The following LCMT1 variants were observed in gnomAD, a reference collection of about 807,000 sequenced individuals.
LCMT1 encodes the protein leucine carboxyl methyltransferase 1.
LCMT1 carries 32 observed loss-of-function variants against 47.7 expected under a neutral mutation model. The observed-to-expected ratio is 0.67, with a 90% CI of 0.51 to 0.90. The LOEUF is 0.90. Among genes scored for constraint, LCMT1 ranks in the 40% least tolerant of loss-of-function variants. The pLI is 0.00. For synonymous variants in LCMT1, 152 were observed against 149.7 expected, an observed-to-expected ratio of 1.02 and a Z score of -0.11; for missense variants, 375 against 415.2, an observed-to-expected ratio of 0.90 and a Z score of 0.84.
At chr16:25,128,866 C>T (rs1425039080) in intron 2 of LCMT1, among the ~76,000 whole-genome samples, 1 of 136,974 alleles carries the variant, frequency 7.3e-6, no homozygotes, top group Non-Finnish European at 1.6e-5. Context: ...AGTGAGAACA[C>T]ATGACACAGA....
intron 1 of LCMT1, among the ~76,000 whole-genome samples, chr16:25,117,264 C>T (rs1959821312): frequency 6.6e-6 from 1 of 152,196 alleles, no homozygotes; most frequent in Non-Finnish European, 1.5e-5. Context: ...GCACTCTTAC[C>T]TGCTGGCCAG....
At chr16:25,150,715 A>G (rs1961053006) in intron 4 of LCMT1, among the ~76,000 whole-genome samples, 1 of 151,996 alleles carries the variant, frequency 6.6e-6, no homozygotes, top group Non-Finnish European at 1.5e-5. Flanking sequence ...ATAAAACCCT[A>G]ATTCTTATAT....
chr16:25,166,327 C>T (rs1961591486), intron 7 of LCMT1, among the ~76,000 whole-genome samples: 1 of 150,354 alleles, frequency 6.7e-6, no homozygotes, highest in African/African-American at 2.4e-5. Context: ...TATGGGGATT[C>T]CTGAGATGAT....
chr16:25,126,667 G>C (rs1019864366), intron 1 of LCMT1, among the ~76,000 whole-genome samples: 15 of 152,220 alleles, frequency 9.9e-5, no homozygotes, highest in African/African-American at 3.6e-4. Flanking sequence ...AGAATCTGGA[G>C]GTGAGAGGAT....
At chr16:25,140,494 G>A in intron 4 of LCMT1, 1 of 467,474 alleles carries the variant, frequency 2.1e-6, no homozygotes. Flanking sequence ...TTAACACGAG[G>A]CCAACCAAAT....
intron 8 of LCMT1, chr16:25,169,487 C>A (rs1017688988): frequency 1.2e-4 from 37 of 297,960 alleles, no homozygotes; most frequent in African/African-American, 7.1e-4. Flanking sequence ...TAAACACACA[C>A]GTCTCATCAC....
At chr16:25,123,026 A>G (rs1220657582) in intron 1 of LCMT1, among the ~76,000 whole-genome samples, 1 of 152,106 alleles carries the variant, frequency 6.6e-6, no homozygotes, top group Admixed American at 6.6e-5. Context: ...GGCAATGCTT[A>G]GGCTATTTCC....
At chr16:25,132,227 CAAA>C in intron 2 of LCMT1, 172 bp from the exon 3 acceptor site, 6 of 585,096 alleles carry the variant, frequency 1.0e-5, no homozygotes, top group South Asian at 2.5e-5. Flanking sequence ...TGCCTTTAAC[CAAA>C]AAAAAAAAAT....
At chr16:25,146,219 C>G (rs2141673108) in intron 4 of LCMT1, 1 of 152,452 alleles carries the variant, frequency 6.6e-6, no homozygotes, top group African/African-American at 2.4e-5. Context: ...GCAGGCAGCT[C>G]TGCTGTCCAC....
chr16:25,169,090 T>C, intron 7 of LCMT1, 22 bp from the exon 8 acceptor site: 1 of 1,538,736 alleles, frequency 6.5e-7, no homozygotes. Flanking sequence ...GAGTAATATC[T>C]TACCTTCTCT....
intron 3 of LCMT1, among the ~76,000 whole-genome samples, chr16:25,136,480 T>C (rs1054917025): frequency 6.6e-6 from 1 of 152,026 alleles, no homozygotes; most frequent in Non-Finnish European, 1.5e-5. Context: ...TCTTTTTTTT[T>C]TTTTTAAGTT....
At chr16:25,154,493 T>C (rs1961178440) in intron 5 of LCMT1, among the ~76,000 whole-genome samples, 1 of 147,290 alleles carries the variant, frequency 6.8e-6, no homozygotes, top group African/African-American at 2.5e-5. Flanking sequence ...TGTGTTCTTT[T>C]TTTTTTTTTT....
At chr16:25,132,726 C>T (rs915319485) in intron 3 of LCMT1, among the ~76,000 whole-genome samples, 10 of 151,892 alleles carry the variant, frequency 6.6e-5, no homozygotes, top group African/African-American at 2.4e-4. Context: ...TTTAGGTTGT[C>T]TCTAATTGTT....
Position 25,170,789 on chromosome 16 carries a change from C to G in LCMT1, c.868C>G (p.Arg290Gly), listed in dbSNP as rs376933921. The change falls in exon 9 of 11, where the codon CGA becomes GGA. Residue 290 changes from arginine (R) to glycine (G), a missense_variant. By Grantham distance (125) the Arg-to-Gly change is moderately radical. Coordinates refer to ENST00000399069, the MANE Select transcript of LCMT1 (RefSeq NM_016309.3). The part of the protein sequence containing the change: ...DMMELYNRLP[R>G]AEVSRIESLE... ...GATGGAGTTGTACAACAGGTTACCT[C>G]GAGCTGAAGTGAGCAGGTATGGGGT... 1.1e-5 allele frequency: 17 copies of G among 1,611,328 alleles called. No individual in the cohort carries two copies. The highest frequency in any genetic ancestry group is 7.7e-5 in the South Asian group (7 of 90,800).
At chr16:25,161,443 C>T (rs1377564606) in intron 6 of LCMT1, among the ~76,000 whole-genome samples, 2 of 152,074 alleles carry the variant, frequency 1.3e-5, no homozygotes, top group East Asian at 3.9e-4. Context: ...GCAACCTCCA[C>T]TTCCCAGGTT....
intron 7 of LCMT1, among the ~76,000 whole-genome samples, chr16:25,166,607 T>C (rs1961599332): frequency 6.6e-6 from 1 of 152,182 alleles, no homozygotes; most frequent in Non-Finnish European, 1.5e-5. Context: ...TTCGCCATGT[T>C]GCCCAGGTTG....
chr16:25,152,188 C>G (rs1030360265), intron 5 of LCMT1, among the ~76,000 whole-genome samples: 3 of 152,122 alleles, frequency 2.0e-5, no homozygotes, highest in Non-Finnish European at 4.4e-5. Flanking sequence ...TTGACCATTT[C>G]AAAGTGGCCA....
In LCMT1 at chr16:25,164,615, T is replaced by C; in HGVS notation, c.587T>C (p.Ile196Thr). 3 of 1,613,982 alleles carry C rather than the reference T, an allele frequency of 1.9e-6. No homozygotes were observed. Among genetic ancestry groups the C allele is most frequent in the Non-Finnish European group, 1.7e-6 (2 of 1,179,872 alleles). Residue 196 changes from isoleucine to threonine, a missense_variant, in exon 7 of 11, where the codon ATA becomes ACA. Physicochemically the swap from Ile to Thr is moderately conservative, Grantham distance 89. Coordinates refer to ENST00000399069, the MANE Select transcript of LCMT1 (RefSeq NM_016309.3). The part of the protein sequence containing the change: ...NMNTQLPTLL[I>T]AECVLVYMTP... ...TCTTTAAGATTGCCAACACTCCTGA[T>C]AGCTGAATGTGTGCTGGTTTACATG...
intron 1 of LCMT1, among the ~76,000 whole-genome samples, chr16:25,114,253 A>G (rs1014403077): frequency 2.6e-5 from 4 of 152,132 alleles, no homozygotes; most frequent in African/African-American, 7.2e-5. Context: ...CCTTCTGCGG[A>G]TAAGTAGGAT....
Sources: gnomAD v4.1 joint callset for allele counts (sites outside exome capture counted in the v4.1 genomes callset) on GRCh38, gnomAD v4.1.1 for gene constraint, MANE v1.5 for transcripts, NCBI Gene and HGNC (gene_info 2026-07-23, HGNC 2026-07-21) for gene names.